CDH23: variants seen among roughly 807,000 people sequenced by gnomAD.
CDH23 encodes the protein cadherin-23.
A neutral mutation model predicts 317.1 loss-of-function variants in CDH23; 189 were observed. The observed-to-expected ratio is 0.60, with a 90% CI of 0.53 to 0.67. The LOEUF (loss-of-function observed/expected upper bound fraction) is 0.67. CDH23 is among the 30% of genes least tolerant of loss of function. The pLI is 0.00. For synonymous variants in CDH23, 1,839 were observed against 1,876.8 expected (o/e 0.98, Z 0.52); for missense variants, 4,401 against 4,592.4 (o/e 0.96, Z 1.20).
intron 68 of CDH23, 46 bp from the exon 69 acceptor site, chr10:71,813,198 A>G (rs1218767531): frequency 6.6e-7 from 1 of 1,508,918 alleles, no homozygotes; most frequent in Non-Finnish European, 9.0e-7. Context: ...GGGGCGGGGC[A>G]GGCAGGGGAG....
rs771795434 is a variant in CDH23, at chr10:71,702,175, G to A, written c.2551G>A (p.Glu851Lys). Residue 851 changes from glutamate (E) to lysine (K), a missense_variant, in exon 23 of 70, where the codon GAG becomes AAG. Glu to Lys is a moderately conservative substitution (Grantham distance 56). This residue lies in a region of CDH23 where 3,068 missense variants were observed against 3,203.3 expected (regional missense o/e 0.96). Coordinates refer to ENST00000224721, the MANE Select transcript of CDH23 (RefSeq NM_022124.6). ...DRENPDPHEA[E>K]LMRKIVVSVT... is the part of the protein sequence containing the mutation. ...GGAGAACCCCGACCCCCATGAGGCCGAGCTGATGCGCAAAATCGTCGTCTC... is the reference window on the plus strand; with the variant it reads ...GGAGAACCCCGACCCCCATGAGGCCAAGCTGATGCGCAAAATCGTCGTCTC... 2.9e-5 allele frequency: 46 copies of A among 1,613,726 alleles called. No individual in the cohort carries two copies. Among genetic ancestry groups the A allele is most frequent in the Admixed American group, 1.2e-4 (7 of 60,010 alleles).
At position 71,807,783 on chromosome 10, in the gene CDH23, C is replaced by G. The variant is rs774829732; in HGVS notation, c.8560+16C>G. On this transcript the variant is annotated intron_variant, in intron 59 of 69. Coordinates refer to ENST00000224721, the MANE Select transcript of CDH23 (RefSeq NM_022124.6). ...TACACTGCAGGTGCAGGGACTGGAG[C>G]CTGGGCACGAGGTGTGGGGTGGCCC... 2.6e-5 allele frequency: 42 copies of G among 1,588,410 alleles called. No individual in the cohort carries two copies. Among genetic ancestry groups the G allele is most frequent in the Non-Finnish European group, 3.3e-5 (39 of 1,167,240 alleles).
chr10:71,469,779 A>G (rs1851423910), intron 3 of CDH23, among the ~76,000 whole-genome samples: 1 of 151,928 alleles, frequency 6.6e-6, no homozygotes, highest in Non-Finnish European at 1.5e-5. Context: ...TAATTTTTGT[A>G]TTTTTAGTAG....
intron 6 of CDH23, among the ~76,000 whole-genome samples, chr10:71,523,234 T>G (rs976019166): frequency 6.6e-6 from 1 of 152,200 alleles, no homozygotes; most frequent in African/African-American, 2.4e-5. Context: ...CAGTCCTGCA[T>G]GGGAAAACAC....
chr10:71,751,011 G>A lies in CDH23; in HGVS notation c.4845+9090G>A. ...TGGCATCTGTAGCTGGTGAATTTCA[G>A]GTCTCTAGGGGAGAATCTCAGCACC... On this transcript the variant is annotated intron_variant, in intron 38 of 69. Coordinates refer to ENST00000224721, the MANE Select transcript of CDH23 (RefSeq NM_022124.6). The surrounding 1 kb of genome is among the most constrained non-coding windows in gnomAD (Gnocchi z 4.9). 2.1e-6 allele frequency: 1 copy of A among 468,452 alleles called. No homozygotes were observed. The highest frequency in any genetic ancestry group is 4.2e-5 in the South Asian group (1 of 23,704). 29.0% of individuals were successfully genotyped at this position (468,452 alleles called of 1,614,324 possible). A position where few individuals can be genotyped will look rare whatever the true frequency, so the allele number is the denominator to read the frequency against.
chr10:71,673,568 C>A (rs1640676144), intron 14 of CDH23, among the ~76,000 whole-genome samples: 1 of 152,238 alleles, frequency 6.6e-6, no homozygotes, highest in Non-Finnish European at 1.5e-5. Flanking sequence ...AGGCTCCCTT[C>A]CTTCTGAGAA....
In CDH23 at chr10:71,500,820, T is replaced by TTTTCTTTTCTCTTTC. The variant is rs1554831267; in HGVS notation, c.146-9262_146-9261insTTTCTTTTCTCTTTC. On this transcript the variant is annotated intron_variant, in intron 3 of 69. Coordinates refer to ENST00000224721, the MANE Select transcript of CDH23 (RefSeq NM_022124.6). Reference sequence around the variant, plus strand: ...TTTTCTTTTCTTTTCTTTTCTTTTCTCTTTCCTTTCCTTTCTTTTCTTTTC... The same window carrying TTTTCTTTTCTCTTTC: ...TTTTCTTTTCTTTTCTTTTCTTTTCTTTTCTTTTCTCTTTCCTTTCCTTTCCTTTCTTTTCTTTTC... Among the ~76,000 whole-genome samples the TTTTCTTTTCTCTTTC allele has an allele frequency of 4.0e-5, 5 of 124,412 alleles. No homozygotes were observed. In the East Asian group the frequency reaches 6.3e-4, roughly 16 times the overall value. The allele number at this position is 124,412 out of a possible 152,430, so 81.6% of individuals were successfully genotyped here.
At chr10:71,640,641 G>A (rs999947297) in intron 11 of CDH23, among the ~76,000 whole-genome samples, 3 of 152,188 alleles carry the variant, frequency 2.0e-5, no homozygotes, top group Non-Finnish European at 2.9e-5. Flanking sequence ...CCAGCTACTC[G>A]GGAGACTGAG....
intron 4 of CDH23, 35 bp downstream of exon 4, chr10:71,510,259 C>A: frequency 6.2e-7 from 1 of 1,605,476 alleles, no homozygotes; most frequent in Non-Finnish European, 8.5e-7. Flanking sequence ...CCAATTCTCT[C>A]CTGGGGACAG....
At chr10:71,521,141 G>A (rs1223974850) in intron 6 of CDH23, among the ~76,000 whole-genome samples, 1 of 151,718 alleles carries the variant, frequency 6.6e-6, no homozygotes, top group African/African-American at 2.4e-5. Flanking sequence ...ACCGAGAGAT[G>A]TCACCCGGGG....
intron 11 of CDH23, among the ~76,000 whole-genome samples, chr10:71,622,165 G>C (rs1198885721): frequency 1.3e-5 from 2 of 152,250 alleles, no homozygotes; most frequent in South Asian, 2.1e-4. Context: ...GTGTTCTGGG[G>C]AGCCACGGTG....
chr10:71,586,585 A>C (rs946055431), intron 9 of CDH23, among the ~76,000 whole-genome samples: 20 of 151,816 alleles, frequency 1.3e-4, no homozygotes, highest in Non-Finnish European at 8.8e-5. Context: ...CCTTACCCAC[A>C]CCTTATTCAT....
intron 14 of CDH23, among the ~76,000 whole-genome samples, chr10:71,672,191 G>A (rs537264346): frequency 3.9e-5 from 6 of 152,220 alleles, no homozygotes; most frequent in Admixed American, 6.5e-5. Context: ...GGAGAGGGAG[G>A]GGCGCTGTTC....
At chr10:71,774,050 C>T (rs535945169) in intron 38 of CDH23, among the ~76,000 whole-genome samples, 1 of 69,130 alleles carries the variant, frequency 1.4e-5, no homozygotes. Flanking sequence ...CATGCGCGCG[C>T]GCACACACAC....
chr10:71,583,125 C>T (rs779268478), intron 9 of CDH23, among the ~76,000 whole-genome samples: 10 of 151,742 alleles, frequency 6.6e-5, no homozygotes, highest in East Asian at 1.9e-4. Context: ...AGGAATTTGC[C>T]GGAAAGAGGG....
chr10:71,725,182 C>A (rs985709422), intron 29 of CDH23, among the ~76,000 whole-genome samples, 190 bp from the exon 30 acceptor site: 13 of 152,198 alleles, frequency 8.5e-5, no homozygotes, highest in Non-Finnish European at 1.6e-4. Context: ...TTGGGGATGG[C>A]CTGTCTGCCT....
chr10:71,653,163 C>T (rs1456285872), intron 14 of CDH23, among the ~76,000 whole-genome samples: 1 of 152,208 alleles, frequency 6.6e-6, no homozygotes, highest in Non-Finnish European at 1.5e-5. Flanking sequence ...TCTCCTGCCA[C>T]ATCAGCAGAC....
At chr10:71,698,990 C>A (rs926171214) in intron 22 of CDH23, among the ~76,000 whole-genome samples, 1 of 152,168 alleles carries the variant, frequency 6.6e-6, no homozygotes, top group Non-Finnish European at 1.5e-5. Flanking sequence ...AGTCCCCACC[C>A]GATAGAACTG....
rs114749050 is a variant in CDH23, at chr10:71,506,019, G to T, written c.146-4063G>T. 2.7e-3 allele frequency among the ~76,000 whole-genome samples: 416 copies of T among 152,304 alleles called. 2 individuals are homozygous for T. The highest frequency in any genetic ancestry group is 9.6e-3 in the African/African-American group (398 of 41,552). On this transcript the variant is annotated intron_variant, in intron 3 of 69. Transcript: ENST00000224721. Reference sequence around the variant, plus strand: ...ACTGATCAATGAATGAACAAAATGTGTTACATTCACACAAGGGAATATTAT... The same window carrying T: ...ACTGATCAATGAATGAACAAAATGTTTTACATTCACACAAGGGAATATTAT...
Sources: gnomAD v4.1 joint callset for allele counts (sites outside exome capture counted in the v4.1 genomes callset) on GRCh38, gnomAD v4.1.1 for gene constraint, gnomAD v4.1.1 regional missense constraint, Gnocchi (gnomAD v3.1) non-coding constraint, MANE v1.5 for transcripts, NCBI Gene and HGNC (gene_info 2026-07-23, HGNC 2026-07-21) for gene names.